AGAP1: variants seen among roughly 807,000 people sequenced by gnomAD.
AGAP1 encodes the protein ArfGAP with GTPase domain, ankyrin repeat and PH domain 1.
AGAP1 carries 29 observed loss-of-function variants against 105.3 expected under a neutral mutation model. The ratio of observed to expected loss-of-function variants is 0.28; its 90% CI spans 0.21 to 0.38. AGAP1 has a LOEUF of 0.38. Among genes scored for constraint, AGAP1 ranks in the 10% least tolerant of loss-of-function variants. The pLI is 1.00. For synonymous variants in AGAP1, 509 were observed against 485.9 expected (o/e 1.05, Z -0.63); for missense variants, 998 against 1,165.1 (o/e 0.86, Z 2.09).
intron 9 of AGAP1, among the ~76,000 whole-genome samples, chr2:235,852,425 G>A (rs1192898788): frequency 6.6e-6 from 1 of 152,226 alleles, no homozygotes; most frequent in East Asian, 1.9e-4. Flanking sequence ...GAAACAGGCC[G>A]CCTTTTGACA....
At chr2:236,024,934 A>G (rs1043945327) in intron 13 of AGAP1, among the ~76,000 whole-genome samples, 1 of 152,272 alleles carries the variant, frequency 6.6e-6, no homozygotes, top group East Asian at 1.9e-4. Context: ...TGTGAGCCCA[A>G]TCACAAAACT....
At position 235,551,192 on chromosome 2, in the gene AGAP1, G is replaced by T. The variant is rs759199086; in HGVS notation, c.163+56343G>T. ...AGTTGGTTGCTTGATGTCATCTGAG[G>T]TGGGGCCACCCGGGAAAGGTCTTCA... On this transcript the variant is annotated intron_variant, in intron 1 of 17. Coordinates refer to ENST00000304032, the MANE Select transcript of AGAP1 (RefSeq NM_001037131.3). The surrounding 1 kb of genome is among the most constrained non-coding windows in gnomAD (Gnocchi z 4.8). Among the ~76,000 whole-genome samples, 1 of 152,224 alleles carries T rather than the reference G, an allele frequency of 6.6e-6. No homozygotes were observed. The highest frequency in any genetic ancestry group is 1.5e-5 in the Non-Finnish European group (1 of 68,046).
chr2:235,977,733 T>A lies in AGAP1; in HGVS notation c.1645+9110T>A, dbSNP rs1315543502. On this transcript the variant is annotated intron_variant, in intron 13 of 17. Transcript: ENST00000304032. This position sits in a 1 kb window ranked among gnomAD's most constrained non-coding sequence, Gnocchi z 5.2. ...TCACAGGCAGTGGCGACTTCATTCC[T>A]CTTTCTAAAGATGTAAAACAAAAGG... 6.6e-6 allele frequency among the ~76,000 whole-genome samples: 1 copy of A among 152,204 alleles called. No homozygotes were observed. Among genetic ancestry groups the A allele is most frequent in the Non-Finnish European group, 1.5e-5 (1 of 68,038 alleles).
At chr2:235,713,742 T>C (rs1298941921) in intron 2 of AGAP1, among the ~76,000 whole-genome samples, 1 of 152,168 alleles carries the variant, frequency 6.6e-6, no homozygotes, top group Non-Finnish European at 1.5e-5. Context: ...CAAAATATCA[T>C]ACACTGAGCA....
At position 235,691,299 on chromosome 2, in the gene AGAP1, G is replaced by A. The variant is rs114420202; in HGVS notation, c.164-17880G>A. ...ATATCCAGGGAAAGGTCACTCTCTG[G>A]CAGTGGATGCTACCCTGTTGGTGGC... On this transcript the variant is annotated intron_variant, in intron 1 of 17. Coordinates refer to ENST00000304032, the MANE Select transcript of AGAP1 (RefSeq NM_001037131.3). This position sits in a 1 kb window ranked among gnomAD's most constrained non-coding sequence, Gnocchi z 4.4. 0.017 allele frequency among the ~76,000 whole-genome samples: 2,545 copies of A among 152,322 alleles called. 62 individuals carry two copies. Among genetic ancestry groups the A allele is most frequent in the African/African-American group, 0.057 (2,374 of 41,544 alleles).
chr2:235,562,785 C>T lies in AGAP1; in HGVS notation c.163+67936C>T, dbSNP rs567667241. 2.9e-4 allele frequency among the ~76,000 whole-genome samples: 44 copies of T among 152,230 alleles called. No individual in the cohort carries two copies. The South Asian group carries it at 2.9e-3, about 10-fold the overall frequency. On this transcript the variant is annotated intron_variant, in intron 1 of 17. Coordinates refer to ENST00000304032, the MANE Select transcript of AGAP1 (RefSeq NM_001037131.3). ...TTAAAATGGGGATGCTGGCTGGTGT[C>T]GCGGCTCATGCCTGTAATCTCAGAA...
Position 235,981,964 on chromosome 2 carries a change from G to A in AGAP1, c.1645+13341G>A, listed in dbSNP as rs1384155340. Reference sequence around the variant, plus strand: ...ACAGAAGAAGTTCATATAAAATAAGGGGTTTTATTATGGGTTATCTGAAGA... The same window carrying A: ...ACAGAAGAAGTTCATATAAAATAAGAGGTTTTATTATGGGTTATCTGAAGA... On this transcript the variant is annotated intron_variant, in intron 13 of 17. Transcript: ENST00000304032. The surrounding 1 kb of genome is among the most constrained non-coding windows in gnomAD (Gnocchi z 5.5). Among the ~76,000 whole-genome samples, 1 of 152,052 alleles carries A rather than the reference G, an allele frequency of 6.6e-6. No individual in the cohort carries two copies. Among genetic ancestry groups the A allele is most frequent in the Admixed American group, 6.6e-5 (1 of 15,258 alleles).
At chr2:235,524,175 G>C (rs1020292617) in intron 1 of AGAP1, 5 of 152,548 alleles carry the variant, frequency 3.3e-5, no homozygotes, top group African/African-American at 1.2e-4. Flanking sequence ...TTGTCTCCTG[G>C]CATCTGGCTG....
Position 235,792,054 on chromosome 2 carries a change from C to T in AGAP1, c.674-5705C>T, listed in dbSNP as rs1296994906. Among the ~76,000 whole-genome samples the T allele has an allele frequency of 3.9e-5, 6 of 152,266 alleles. No individual in the cohort carries two copies. Among genetic ancestry groups the T allele is most frequent in the Non-Finnish European group, 7.4e-5 (5 of 68,020 alleles). Reference sequence around the variant, plus strand: ...ATACGGTTTTATTGGAGGTGTGGTTCGTACTTTATAATCCCTACCTAACAG... The same window carrying T: ...ATACGGTTTTATTGGAGGTGTGGTTTGTACTTTATAATCCCTACCTAACAG... On this transcript the variant is annotated intron_variant, in intron 6 of 17. Transcript: ENST00000304032. This position sits in a 1 kb window ranked among gnomAD's most constrained non-coding sequence, Gnocchi z 5.3.
rs1249517305 is a variant in AGAP1 at position 236,046,897 on chromosome 2, C to A, written c.1892-2162C>A. ...CCTGTAATCCCAACACTTTGGGAGG[C>A]CCAGGCAGGAGGATTGCTTGAGCCC... On this transcript the variant is annotated intron_variant, in intron 15 of 17. Transcript: ENST00000304032. This position sits in a 1 kb window ranked among gnomAD's most constrained non-coding sequence, Gnocchi z 5.2. 1.3e-5 allele frequency among the ~76,000 whole-genome samples: 2 copies of A among 152,154 alleles called. No individual in the cohort carries two copies. Among genetic ancestry groups the A allele is most frequent in the South Asian group, 2.1e-4 (1 of 4,828 alleles).
At position 235,528,500 on chromosome 2, in the gene AGAP1, G is replaced by A. The variant is rs548427427; in HGVS notation, c.163+33651G>A. 4.6e-5 allele frequency among the ~76,000 whole-genome samples: 7 copies of A among 152,210 alleles called. No homozygotes were observed. The South Asian group carries it at 6.2e-4, about 14-fold the overall frequency. On this transcript the variant is annotated intron_variant, in intron 1 of 17. Transcript: ENST00000304032. Reference sequence around the variant, plus strand: ...AATGACAGAAATGCAGGGAAAAGTCGAAGCACAGTGTGTGGGAGTTGCATA... The same window carrying A: ...AATGACAGAAATGCAGGGAAAAGTCAAAGCACAGTGTGTGGGAGTTGCATA...
At chr2:235,852,025 A>G (rs372809702) in intron 9 of AGAP1, among the ~76,000 whole-genome samples, 51 of 152,312 alleles carry the variant, frequency 3.3e-4, no homozygotes, top group African/African-American at 1.2e-3. Flanking sequence ...CCATTGATGA[A>G]ACAGGCCTGT....
In AGAP1 at chr2:235,714,854, A is replaced by G. The variant is rs969698354; in HGVS notation, c.223-2703A>G. Reference sequence around the variant, plus strand: ...CGCTCTGTCACCCAGGCTGGAGTCCAGTGGTGTATCTCGGCTCACTGCAAC... The same window carrying G: ...CGCTCTGTCACCCAGGCTGGAGTCCGGTGGTGTATCTCGGCTCACTGCAAC... On this transcript the variant is annotated intron_variant, in intron 2 of 17. Transcript: ENST00000304032. This position sits in a 1 kb window ranked among gnomAD's most constrained non-coding sequence, Gnocchi z 4.1. Among the ~76,000 whole-genome samples, 6 of 152,070 alleles carry G rather than the reference A, an allele frequency of 3.9e-5. No individual in the cohort carries two copies. Among genetic ancestry groups the G allele is most frequent in the Non-Finnish European group, 8.8e-5 (6 of 68,020 alleles).
rs958678170 is a variant in AGAP1, at chr2:235,908,250, A to G, written c.1156-488A>G. ...GGACATCTTCCTGGTTCTTAGCACA[A>G]CAGTTGACCTTTTTACTTCCAGTTT... On this transcript the variant is annotated intron_variant, in intron 10 of 17. Transcript: ENST00000304032. The surrounding 1 kb of genome is among the most constrained non-coding windows in gnomAD (Gnocchi z 4.4). 1.2e-4 allele frequency among the ~76,000 whole-genome samples: 19 copies of G among 152,174 alleles called. No individual in the cohort carries two copies. Among genetic ancestry groups the G allele is most frequent in the Admixed American group, 5.2e-4 (8 of 15,282 alleles).
chr2:235,748,179 C>T (rs748926746), intron 5 of AGAP1, among the ~76,000 whole-genome samples: 9 of 152,210 alleles, frequency 5.9e-5, no homozygotes, highest in Non-Finnish European at 1.3e-4. Context: ...AATGCGAGTG[C>T]AGAAGCCCGT....
chr2:235,715,852 G>T (rs1428805884), intron 2 of AGAP1, among the ~76,000 whole-genome samples: 1 of 152,154 alleles, frequency 6.6e-6, no homozygotes, highest in Non-Finnish European at 1.5e-5. Flanking sequence ...GTCGGGGATG[G>T]CCTCCAGCTT....
In AGAP1 at chr2:235,670,263, G is replaced by T. The variant is rs763914400; in HGVS notation, c.164-38916G>T. 44 of 491,578 alleles carry T rather than the reference G, an allele frequency of 9.0e-5. 1 individual carries two copies. Among genetic ancestry groups the T allele is most frequent in the Non-Finnish European group, 1.6e-4 (43 of 276,258 alleles). 30.5% of individuals were successfully genotyped at this position (491,578 alleles called of 1,614,324 possible). A position where few individuals can be genotyped will look rare whatever the true frequency, so the allele number is the denominator to read the frequency against. On this transcript the variant is annotated intron_variant, in intron 1 of 17. Coordinates refer to ENST00000304032, the MANE Select transcript of AGAP1 (RefSeq NM_001037131.3). The stretch of plus-strand genomic sequence containing the variant: ...GGCGGCCCGGACCCACGCCCGGTTC[G>T]GCGGCCCCGGCCCGCGCGCTCCCCG...
At chr2:235,581,134 C>CAAAAAAA (rs60330965) in intron 1 of AGAP1, among the ~76,000 whole-genome samples, 1 of 88,280 alleles carries the variant, frequency 1.1e-5, no homozygotes, top group African/African-American at 4.1e-5. Context: ...CCATCTCAAG[C>CAAAAAAA]AAAAAAAAAA....
chr2:236,111,768 G>A (rs1409979225), intron 16 of AGAP1, among the ~76,000 whole-genome samples: 1 of 147,752 alleles, frequency 6.8e-6, no homozygotes, highest in African/African-American at 2.5e-5. Flanking sequence ...CTCCAGCCTA[G>A]GCAACAGTGC....
Sources: allele counts gnomAD v4.1 joint callset (sites outside exome capture counted in the v4.1 genomes callset), GRCh38; gene constraint gnomAD v4.1.1; non-coding constraint Gnocchi (gnomAD v3.1); transcripts MANE v1.5; gene names NCBI Gene and HGNC (gene_info 2026-07-23, HGNC 2026-07-21).